ZNF407: variants seen among roughly 807,000 people sequenced by gnomAD.
ZNF407 encodes zinc finger protein 407.
In ZNF407, 17 loss-of-function variants were observed where a neutral mutation model predicts 131.2. The observed-to-expected ratio is 0.13, with a 90% CI of 0.09 to 0.19. The LOEUF is 0.19. Ranked by LOEUF, ZNF407 falls within the 10% of genes least tolerant of loss-of-function variation. ZNF407 has a pLI of 1.00. For missense variants in ZNF407, 2,681 were observed against 2,830.6 expected (o/e 0.95, Z 1.20); for synonymous variants, 1,156 against 1,062.0 (o/e 1.09, Z -1.72).
intron 3 of ZNF407, among the ~76,000 whole-genome samples, chr18:74,691,309 A>C (rs1213132864): frequency 6.6e-6 from 1 of 151,810 alleles, no homozygotes; most frequent in Admixed American, 6.6e-5. Context: ...ATAATAAAGA[A>C]AAAAATTATC....
intron 4 of ZNF407, among the ~76,000 whole-genome samples, chr18:74,838,052 T>C (rs1028723674): frequency 6.6e-6 from 1 of 152,248 alleles, no homozygotes; most frequent in African/African-American, 2.4e-5. Context: ...TTATGTATTC[T>C]TTCTTCAATT....
At chr18:74,928,780 T>C (rs1196932943) in intron 8 of ZNF407, among the ~76,000 whole-genome samples, 1 of 152,126 alleles carries the variant, frequency 6.6e-6, no homozygotes, top group East Asian at 1.9e-4. Context: ...CCCTCCGGCC[T>C]TCCCTTCAGG....
intron 3 of ZNF407, among the ~76,000 whole-genome samples, chr18:74,775,919 G>A: frequency 6.6e-6 from 1 of 152,162 alleles, no homozygotes; most frequent in Non-Finnish European, 1.5e-5. Context: ...GATCTTGCGA[G>A]CTCTCTACAG....
intron 4 of ZNF407, among the ~76,000 whole-genome samples, chr18:74,834,786 G>A (rs558961882): frequency 6.6e-6 from 1 of 152,210 alleles, no homozygotes; most frequent in African/African-American, 2.4e-5. Flanking sequence ...AATAGTGAAA[G>A]TGGGTTGATT....
chr18:74,685,706 C>T (rs750863759), intron 3 of ZNF407, among the ~76,000 whole-genome samples: 10 of 152,208 alleles, frequency 6.6e-5, no homozygotes, highest in Non-Finnish European at 1.3e-4. Flanking sequence ...AGCTCCTTTA[C>T]TCTGTTGATG....
chr18:74,895,708 T>A (rs1347310244), intron 7 of ZNF407, among the ~76,000 whole-genome samples: 1 of 152,130 alleles, frequency 6.6e-6, no homozygotes, highest in East Asian at 1.9e-4. Context: ...GTATAAACAC[T>A]TTATGTTGAT....
At chr18:74,988,672 A>T (rs981467977) in intron 8 of ZNF407, among the ~76,000 whole-genome samples, 3 of 152,064 alleles carry the variant, frequency 2.0e-5, no homozygotes, top group African/African-American at 7.2e-5. Flanking sequence ...AAACAAACAA[A>T]AAAAATAGCA....
intron 8 of ZNF407, among the ~76,000 whole-genome samples, chr18:75,036,056 T>G (rs1973304800): frequency 6.6e-6 from 1 of 152,188 alleles, no homozygotes; most frequent in Non-Finnish European, 1.5e-5. Flanking sequence ...TAACGTGTCT[T>G]TTTTTTCTCC....
intron 8 of ZNF407, among the ~76,000 whole-genome samples, chr18:74,987,559 C>T (rs890095250): frequency 6.6e-6 from 1 of 152,014 alleles, no homozygotes; most frequent in African/African-American, 2.4e-5. Flanking sequence ...CTTTCAGTGA[C>T]AAATAAAATT....
intron 8 of ZNF407, among the ~76,000 whole-genome samples, chr18:75,027,090 A>G (rs1973180424): frequency 6.6e-6 from 1 of 152,210 alleles, no homozygotes; most frequent in Admixed American, 6.5e-5. Context: ...TGGGGATTGT[A>G]TTGTACCTTC....
intron 4 of ZNF407, among the ~76,000 whole-genome samples, chr18:74,841,510 C>T (rs982635548): frequency 2.6e-5 from 4 of 152,184 alleles, no homozygotes; most frequent in African/African-American, 9.7e-5. Context: ...TATTTTTAAA[C>T]ATGCTATGTG....
chr18:74,908,883 G>T (rs1371846639), intron 7 of ZNF407, among the ~76,000 whole-genome samples: 13 of 151,670 alleles, frequency 8.6e-5, no homozygotes, highest in Admixed American at 8.5e-4. Context: ...TTTTTTTTAG[G>T]ATTTATTTTT....
chr18:74,730,371 A>AATTAG (rs1257836043), intron 3 of ZNF407, among the ~76,000 whole-genome samples: 8 of 152,234 alleles, frequency 5.3e-5, no homozygotes, highest in Non-Finnish European at 1.2e-4. Context: ...CTCTTTAAAA[A>AATTAG]ATTAGCACGA....
chr18:74,870,669 C>T (rs1199622539), intron 4 of ZNF407, among the ~76,000 whole-genome samples: 1 of 152,054 alleles, frequency 6.6e-6, no homozygotes, highest in Non-Finnish European at 1.5e-5. Context: ...TTTATTTAGC[C>T]TTTGTACACA....
intron 4 of ZNF407, among the ~76,000 whole-genome samples, chr18:74,827,391 T>C (rs896801327): frequency 6.6e-6 from 1 of 151,332 alleles, no homozygotes; most frequent in Non-Finnish European, 1.5e-5. Flanking sequence ...CTTTTCACTT[T>C]ATTTATTTTT....
intron 3 of ZNF407, among the ~76,000 whole-genome samples, chr18:74,713,358 C>CTTTTTTTTTTTTTTTTTTTTT (rs5826345): frequency 1.2e-5 from 1 of 84,480 alleles, no homozygotes; most frequent in Non-Finnish European, 2.5e-5. Flanking sequence ...ATTTTAGCAT[C>CTTTTTTTTTTTTTTTTTTTTT]TTTTTTTTTT....
intron 4 of ZNF407, among the ~76,000 whole-genome samples, chr18:74,803,672 C>G (rs1029808706): frequency 3.3e-5 from 5 of 152,102 alleles, no homozygotes; most frequent in African/African-American, 1.2e-4. Flanking sequence ...GTCAGTCTTA[C>G]CAGAAAACAT....
chr18:74,818,168 C>T (rs367902123), intron 4 of ZNF407, among the ~76,000 whole-genome samples: 1 of 152,078 alleles, frequency 6.6e-6, no homozygotes, highest in Non-Finnish European at 1.5e-5. Flanking sequence ...TTGGTGAGTC[C>T]GCCTGTGCCC....
At chr18:74,604,370 C>T (rs1305072930) in intron 1 of ZNF407, among the ~76,000 whole-genome samples, 1 of 151,894 alleles carries the variant, frequency 6.6e-6, no homozygotes, top group African/African-American at 2.4e-5. Flanking sequence ...CTATGTCCAC[C>T]AGGGGTCTTA....
Sources: gnomAD v4.1 joint callset for allele counts (sites outside exome capture counted in the v4.1 genomes callset) on GRCh38, gnomAD v4.1.1 for gene constraint, MANE v1.5 for transcripts, NCBI Gene and HGNC (gene_info 2026-07-23, HGNC 2026-07-21) for gene names.